The following PTK2 variants were observed in gnomAD, a reference collection of about 807,000 sequenced individuals.
PTK2 encodes the protein focal adhesion kinase 1.
PTK2 carries 45 observed loss-of-function variants against 150.1 expected under a neutral mutation model. That is an observed-to-expected ratio of 0.30 (90% CI 0.24 to 0.38). The LOEUF (loss-of-function observed/expected upper bound fraction) is 0.38, where lower values mean the gene tolerates loss of function less well. Ranked by LOEUF, PTK2 falls within the 10% of genes least tolerant of loss-of-function variation. PTK2 has a pLI of 1.00. For missense variants in PTK2, 919 were observed against 1,307.3 expected (o/e 0.70, Z 4.58); for synonymous variants, 432 against 449.2 (o/e 0.96, Z 0.48).
chr8:140,828,101 G>A (rs536789028), intron 8 of PTK2, among the ~76,000 whole-genome samples: 1 of 151,896 alleles, frequency 6.6e-6, no homozygotes, highest in South Asian at 2.1e-4. Flanking sequence ...GGGAGGAGGA[G>A]GTTGCAGCGA....
chr8:140,751,108 A>G (rs905163776), intron 17 of PTK2, among the ~76,000 whole-genome samples: 5 of 152,050 alleles, frequency 3.3e-5, no homozygotes, highest in African/African-American at 9.7e-5. Context: ...TTTCTAGCTA[A>G]AGTCACCTGG....
intron 20 of PTK2, among the ~76,000 whole-genome samples, chr8:140,739,508 C>T (rs545932337): frequency 3.9e-5 from 6 of 152,180 alleles, no homozygotes; most frequent in Non-Finnish European, 5.9e-5. Flanking sequence ...AATATATAGT[C>T]GATCCTCACT....
At chr8:140,699,809 T>C (rs974474649) in intron 26 of PTK2, among the ~76,000 whole-genome samples, 3 of 145,814 alleles carry the variant, frequency 2.1e-5, no homozygotes, top group Admixed American at 1.4e-4. Flanking sequence ...TTATTGCAAG[T>C]TTTTTTTTTT....
chr8:140,905,445 G>A (rs868498501), intron 2 of PTK2, among the ~76,000 whole-genome samples: 8 of 152,154 alleles, frequency 5.3e-5, no homozygotes, highest in Middle Eastern at 6.8e-3. Flanking sequence ...ATTATATAAT[G>A]GTAAAGAGAT....
chr8:140,803,965 G>C (rs910826898), intron 10 of PTK2, among the ~76,000 whole-genome samples: 1 of 152,152 alleles, frequency 6.6e-6, no homozygotes, highest in African/African-American at 2.4e-5. Flanking sequence ...GCAACCTTTG[G>C]CCTGACTCGT....
chr8:140,882,951 A>G (rs919259658), intron 3 of PTK2, among the ~76,000 whole-genome samples: 2 of 152,202 alleles, frequency 1.3e-5, no homozygotes, highest in Non-Finnish European at 2.9e-5. Context: ...TCTTATGATG[A>G]TCAATTTAAT....
chr8:140,776,985 C>T (rs565324780), intron 14 of PTK2, among the ~76,000 whole-genome samples: 42 of 152,240 alleles, frequency 2.8e-4, no homozygotes, highest in African/African-American at 8.9e-4. Context: ...AACACTGAAT[C>T]GCAATAACTC....
rs530922833 is a variant in PTK2 at position 140,778,853 on chromosome 8, C to T, written c.1177+10621G>A. Among the ~76,000 whole-genome samples the T allele has an allele frequency of 2.0e-3, 310 of 152,204 alleles. 1 individual carries two copies. Among genetic ancestry groups the T allele is most frequent in the African/African-American group, 7.2e-3 (299 of 41,526 alleles). On this transcript the variant is annotated intron_variant, in intron 14 of 31. Coordinates refer to ENST00000522684, the Ensembl canonical transcript of PTK2. Reference sequence around the variant, plus strand: ...GACAAGCTAGAAAAATTGGAGGTGGCAGTCAGAGAGGGTTTTCTTAAAATT... The same window carrying T: ...GACAAGCTAGAAAAATTGGAGGTGGTAGTCAGAGAGGGTTTTCTTAAAATT...
At chr8:140,963,160 T>C (rs1191000241) in intron 1 of PTK2, among the ~76,000 whole-genome samples, 3 of 152,042 alleles carry the variant, frequency 2.0e-5, no homozygotes, top group African/African-American at 7.2e-5. Context: ...CTTCCTCCTA[T>C]AAATATATAC....
At chr8:140,803,469 AT>A in intron 11 of PTK2, 73 bp downstream of exon 11, 2 of 1,251,212 alleles carry the variant, frequency 1.6e-6, no homozygotes, top group South Asian at 2.5e-5. Context: ...CATCCTTTTC[AT>A]AAAAAAGTCA....
intron 1 of PTK2, among the ~76,000 whole-genome samples, chr8:140,940,035 AG>A (rs1228058237): frequency 6.6e-6 from 1 of 152,198 alleles, no homozygotes; most frequent in Non-Finnish European, 1.5e-5. Flanking sequence ...GTCGAATGAA[AG>A]AATAAATCCA....
chr8:140,912,962 A>G (rs1330494929), intron 2 of PTK2, among the ~76,000 whole-genome samples: 1 of 152,058 alleles, frequency 6.6e-6, no homozygotes, highest in Non-Finnish European at 1.5e-5. Flanking sequence ...AAGAAAAAAG[A>G]AAAAGGATAT....
intron 4 of PTK2, among the ~76,000 whole-genome samples, chr8:140,876,321 AT>A (rs1308519638): frequency 6.6e-6 from 1 of 152,170 alleles, no homozygotes; most frequent in Non-Finnish European, 1.5e-5. Flanking sequence ...CTGTTCTTGA[AT>A]GGCAATTTAA....
At chr8:140,804,870 A>T (rs1316666485) in intron 10 of PTK2, among the ~76,000 whole-genome samples, 1 of 152,136 alleles carries the variant, frequency 6.6e-6, no homozygotes, top group Non-Finnish European at 1.5e-5. Context: ...CAGGCTTCTC[A>T]TAGCATGTCC....
At chr8:140,935,702 C>CTTTTTTTTTTTTTTTTTTTT (rs34554819) in intron 1 of PTK2, among the ~76,000 whole-genome samples, 1 of 123,860 alleles carries the variant, frequency 8.1e-6, no homozygotes, top group African/African-American at 3.0e-5. Flanking sequence ...ATGTCCTCAT[C>CTTTTTTTTTTTTTTTTTTTT]TTTTTTTTTT....
intron 1 of PTK2, among the ~76,000 whole-genome samples, chr8:140,950,627 T>C (rs1215157569): frequency 6.6e-6 from 1 of 152,186 alleles, no homozygotes; most frequent in East Asian, 1.9e-4. Flanking sequence ...ACAAGCCCAG[T>C]GGGCATGGGC....
chr8:140,740,774 T>A (rs1352902246), intron 20 of PTK2, among the ~76,000 whole-genome samples: 1 of 152,242 alleles, frequency 6.6e-6, no homozygotes, highest in African/African-American at 2.4e-5. Flanking sequence ...TTCGTCTTTT[T>A]AAAGTTAAAT....
At position 140,745,877 on chromosome 8, in the gene PTK2, G is replaced by A. The variant is rs1355676805; in HGVS notation, c.1518+883C>T. On this transcript the variant is annotated intron_variant, in intron 18 of 31. Transcript: ENST00000522684. ...TAGCTGGGCCTGGCAGCACGTGCCTGTAGTCCCAGATACTCAGGAGGCTGA... is the reference window on the plus strand; with the variant it reads ...TAGCTGGGCCTGGCAGCACGTGCCTATAGTCCCAGATACTCAGGAGGCTGA... Among the ~76,000 whole-genome samples, 4 of 151,918 alleles carry A rather than the reference G, an allele frequency of 2.6e-5. No homozygotes were observed. In the South Asian group the frequency reaches 8.3e-4, roughly 32 times the overall value.
intron 7 of PTK2, among the ~76,000 whole-genome samples, chr8:140,834,372 A>G (rs1228130275): frequency 2.0e-5 from 3 of 152,228 alleles, no homozygotes; most frequent in Non-Finnish European, 1.5e-5. Flanking sequence ...ATGACAATGC[A>G]GAAGGCAGCA....
Sources: allele counts gnomAD v4.1 joint callset (sites outside exome capture counted in the v4.1 genomes callset), GRCh38; gene constraint gnomAD v4.1.1; transcripts MANE v1.5; gene names NCBI Gene and HGNC (gene_info 2026-07-23, HGNC 2026-07-21).